PCBP3: variants seen among roughly 807,000 people sequenced by gnomAD.
PCBP3 encodes poly(rC) binding protein 3.
Under a neutral mutation model 52.7 loss-of-function variants are expected in PCBP3, and 25 were observed. The ratio of observed to expected loss-of-function variants is 0.47; its 90% CI spans 0.35 to 0.66. The LOEUF (loss-of-function observed/expected upper bound fraction) is 0.66. Among genes scored for constraint, PCBP3 ranks in the 30% least tolerant of loss-of-function variants. The pLI is 0.01. For missense variants in PCBP3, 391 were observed against 490.3 expected (o/e 0.80, Z 1.91); for synonymous variants, 162 against 183.0 (o/e 0.89, Z 0.93).
chr21:45,922,131 A>G lies in PCBP3; in HGVS notation c.717+4502A>G, dbSNP rs372492869. On this transcript the variant is annotated intron_variant, in intron 13 of 17. Transcript: ENST00000681687. ...CACCTGAGACCTGGGACCTGAGAGCAGAGCCGAGAGCGCCCACACCTGGAC... is the reference window on the plus strand; with the variant it reads ...CACCTGAGACCTGGGACCTGAGAGCGGAGCCGAGAGCGCCCACACCTGGAC... 1.2e-3 allele frequency among the ~76,000 whole-genome samples: 188 copies of G among 152,366 alleles called. 3 individuals are homozygous for G. Among genetic ancestry groups the G allele is most frequent in the African/African-American group, 4.1e-3 (171 of 41,586 alleles).
rs1176038274 is a variant in PCBP3, at chr21:45,900,987, C to G, written c.223-10C>G. 2 of 1,604,624 alleles carry G rather than the reference C, an allele frequency of 1.2e-6. No individual in the cohort carries two copies. Among genetic ancestry groups the G allele is most frequent in the Admixed American group, 3.3e-5 (2 of 59,996 alleles). ...ATCAGGTCGCTGGGGTTTCTCTGCT[C>G]TCACCTTAGAGTGGTGCAAGGATCA... On this transcript the variant is annotated splice_polypyrimidine_tract_variant and intron_variant, in intron 8 of 17. Transcript: ENST00000681687.
At chr21:45,890,086 C>T (rs1440213889) in intron 5 of PCBP3, among the ~76,000 whole-genome samples, 3 of 152,252 alleles carry the variant, frequency 2.0e-5, no homozygotes, top group East Asian at 1.9e-4. Context: ...GGGTGGGAGA[C>T]GTGGCCTCGC....
At chr21:45,900,677 GGTCCCCAGGCTCTGCCCCTGCCGAC>G in intron 8 of PCBP3, 54 bp downstream of exon 8, 1 of 837,934 alleles carries the variant, frequency 1.2e-6, no homozygotes, top group Middle Eastern at 3.0e-4. Context: ...GGGCGGGGTG[GGTCCCCAGGCTCTGCCCCTGCCGAC>G]GTCCTGCCTG....
intron 4 of PCBP3, among the ~76,000 whole-genome samples, chr21:45,795,068 C>T (rs531374007): frequency 2.0e-5 from 3 of 152,232 alleles, no homozygotes; most frequent in African/African-American, 7.2e-5. Flanking sequence ...AGATACTTCA[C>T]GTTTATAATC....
chr21:45,909,530 C>G, intron 10 of PCBP3, 44 bp downstream of exon 10: 2 of 1,593,112 alleles, frequency 1.3e-6, no homozygotes, highest in African/African-American at 1.3e-5. Context: ...AGCCTCTAGG[C>G]GGGCTGCGGG....
At chr21:45,764,209 G>A (rs913156819) in intron 4 of PCBP3, among the ~76,000 whole-genome samples, 8 of 149,742 alleles carry the variant, frequency 5.3e-5, no homozygotes, top group Admixed American at 2.7e-4. Flanking sequence ...CGCAACCTCC[G>A]CCTCCCGGGT....
At chr21:45,907,011 C>T (rs2096227336) in intron 9 of PCBP3, among the ~76,000 whole-genome samples, 1 of 152,214 alleles carries the variant, frequency 6.6e-6, no homozygotes, top group African/African-American at 2.4e-5. Context: ...TGAGGAAGAC[C>T]ACCTGCGTCC....
At chr21:45,873,675 G>T (rs551484697) in intron 5 of PCBP3, among the ~76,000 whole-genome samples, 1 of 152,206 alleles carries the variant, frequency 6.6e-6, no homozygotes, top group Non-Finnish European at 1.5e-5. Flanking sequence ...GGGACCACGC[G>T]CTGGGTACTG....
At chr21:45,773,190 C>T (rs2090008903) in intron 4 of PCBP3, among the ~76,000 whole-genome samples, 1 of 152,024 alleles carries the variant, frequency 6.6e-6, no homozygotes, top group Non-Finnish European at 1.5e-5. Flanking sequence ...AGGTTTTCTT[C>T]TAGTATTTTT....
In PCBP3 at chr21:45,805,123, C is replaced by T. The variant is rs985246453; in HGVS notation, c.-125-44838C>T. On this transcript the variant is annotated intron_variant, in intron 4 of 17. Transcript: ENST00000681687. The surrounding 1 kb of genome is among the most constrained non-coding windows in gnomAD (Gnocchi z 4.6). ...GGAAGGCCTGTGCCACTCTGGGCAT[C>T]GTCATCTTGGGCCATGGCTACCACA... Among the ~76,000 whole-genome samples the T allele has an allele frequency of 6.6e-6, 1 of 152,154 alleles. No homozygotes were observed. Among genetic ancestry groups the T allele is most frequent in the African/African-American group, 2.4e-5 (1 of 41,422 alleles).
At chr21:45,738,016 C>A (rs1023604078) in intron 3 of PCBP3, among the ~76,000 whole-genome samples, 2 of 152,122 alleles carry the variant, frequency 1.3e-5, no homozygotes, top group African/African-American at 4.8e-5. Context: ...AGCACAGGTG[C>A]CTTCCCTGGG....
At chr21:45,701,883 G>T (rs1317235653) in intron 2 of PCBP3, among the ~76,000 whole-genome samples, 1 of 152,136 alleles carries the variant, frequency 6.6e-6, no homozygotes, top group African/African-American at 2.4e-5. Context: ...TTAATAAAAA[G>T]AACTATATTT....
intron 5 of PCBP3, among the ~76,000 whole-genome samples, chr21:45,884,128 G>A (rs920747438): frequency 3.3e-5 from 5 of 152,120 alleles, no homozygotes; most frequent in African/African-American, 1.2e-4. Context: ...TAGAGACTAG[G>A]TATTCCTGTG....
intron 2 of PCBP3, among the ~76,000 whole-genome samples, chr21:45,683,028 C>T (rs949933905): frequency 6.6e-6 from 1 of 151,830 alleles, no homozygotes; most frequent in Non-Finnish European, 1.5e-5. Flanking sequence ...CGAAACAAAA[C>T]AAAACAAAAC....
At chr21:45,682,196 C>T (rs547569512) in intron 2 of PCBP3, among the ~76,000 whole-genome samples, 1 of 152,134 alleles carries the variant, frequency 6.6e-6, no homozygotes, top group Non-Finnish European at 1.5e-5. Context: ...GGGGCTTCTT[C>T]CCCCTCCCAC....
chr21:45,805,098 G>A lies in PCBP3; in HGVS notation c.-125-44863G>A, dbSNP rs2092448389. ...GCCGTGCAGCCCCAGGCCGTGTGTGGGAAGGCCTGTGCCACTCTGGGCATC... is the reference window on the plus strand; with the variant it reads ...GCCGTGCAGCCCCAGGCCGTGTGTGAGAAGGCCTGTGCCACTCTGGGCATC... On this transcript the variant is annotated intron_variant, in intron 4 of 17. Transcript: ENST00000681687. This position sits in a 1 kb window ranked among gnomAD's most constrained non-coding sequence, Gnocchi z 4.6. Among the ~76,000 whole-genome samples, 1 of 152,184 alleles carries A rather than the reference G, an allele frequency of 6.6e-6. No individual in the cohort carries two copies. The highest frequency in any genetic ancestry group is 1.5e-5 in the Non-Finnish European group (1 of 68,020).
At chr21:45,884,442 A>T (rs561932137) in intron 5 of PCBP3, among the ~76,000 whole-genome samples, 5 of 152,348 alleles carry the variant, frequency 3.3e-5, no homozygotes, top group African/African-American at 1.2e-4. Flanking sequence ...TATAGCATAT[A>T]TATACACACA....
chr21:45,793,534 C>T (rs1246077186), intron 4 of PCBP3, among the ~76,000 whole-genome samples: 1 of 152,028 alleles, frequency 6.6e-6, no homozygotes, highest in East Asian at 1.9e-4. Context: ...TGGAGACATC[C>T]TAGAAGATCG....
chr21:45,661,049 T>A (rs9981574), intron 1 of PCBP3, among the ~76,000 whole-genome samples: 3,154 of 151,696 alleles, frequency 0.021, 53 homozygotes, highest in African/African-American at 0.045. Flanking sequence ...TCAAAAAAAA[T>A]ATATATATAT....
Sources: gnomAD v4.1 joint callset for allele counts (sites outside exome capture counted in the v4.1 genomes callset) on GRCh38, gnomAD v4.1.1 for gene constraint, Gnocchi (gnomAD v3.1) non-coding constraint, MANE v1.5 for transcripts, NCBI Gene and HGNC (gene_info 2026-07-23, HGNC 2026-07-21) for gene names.